The following LRMDA variants were observed in gnomAD, a reference collection of about 807,000 sequenced individuals.
The protein encoded by LRMDA is leucine rich melanocyte differentiation associated.
Under a neutral mutation model 29.8 loss-of-function variants are expected in LRMDA, and 18 were observed. That is an observed-to-expected ratio of 0.60 (90% confidence interval 0.42 to 0.90). The LOEUF (loss-of-function observed/expected upper bound fraction) is 0.90, where lower values mean the gene tolerates loss of function less well. LRMDA is among the 40% of genes least tolerant of loss of function. The pLI is 0.00. For missense variants in LRMDA, 273 were observed against 273.9 expected (o/e 1.00, Z 0.02); for synonymous variants, 125 against 109.4 (o/e 1.14, Z -0.89).
intron 2 of LRMDA, among the ~76,000 whole-genome samples, chr10:75,873,500 A>G (rs931332236): frequency 2.0e-5 from 3 of 152,240 alleles, no homozygotes; most frequent in African/African-American, 7.2e-5. Flanking sequence ...ATGTTTTAAA[A>G]TTCCAACTGG....
At chr10:75,462,406 A>G (rs1325658046) in intron 2 of LRMDA, among the ~76,000 whole-genome samples, 1 of 152,236 alleles carries the variant, frequency 6.6e-6, no homozygotes, top group Admixed American at 6.5e-5. Flanking sequence ...TATTATTGGC[A>G]TAAGCCAGTG....
intron 2 of LRMDA, among the ~76,000 whole-genome samples, chr10:75,930,657 T>A (rs1438504490): frequency 6.6e-6 from 1 of 152,214 alleles, no homozygotes; most frequent in Non-Finnish European, 1.5e-5. Flanking sequence ...AAGCCATTTG[T>A]CAAAGTTGCT....
chr10:75,652,873 A>T (rs1233287935), intron 2 of LRMDA, among the ~76,000 whole-genome samples: 1 of 152,232 alleles, frequency 6.6e-6, no homozygotes, highest in Non-Finnish European at 1.5e-5. Flanking sequence ...GCACTTGGAA[A>T]AAAAATTTGG....
chr10:76,306,008 A>C (rs1160055800), intron 5 of LRMDA, among the ~76,000 whole-genome samples: 1 of 152,236 alleles, frequency 6.6e-6, no homozygotes, highest in Non-Finnish European at 1.5e-5. Flanking sequence ...TTTTATAATA[A>C]ACACATTAGT....
intron 2 of LRMDA, among the ~76,000 whole-genome samples, chr10:75,610,409 CTCA>C (rs143131601): frequency 0.011 from 1,646 of 151,802 alleles, 16 homozygotes; most frequent in Non-Finnish European, 0.02. Flanking sequence ...ACCATTCCTC[CTCA>C]TACTTCCCTA....
intron 5 of LRMDA, among the ~76,000 whole-genome samples, chr10:76,264,590 G>A (rs1296248263): frequency 6.6e-6 from 1 of 152,064 alleles, no homozygotes; most frequent in Non-Finnish European, 1.5e-5. Context: ...CAGCACTACA[G>A]ATTTTGCTCT....
chr10:75,882,358 C>T (rs1291961686), intron 2 of LRMDA, among the ~76,000 whole-genome samples: 1 of 152,050 alleles, frequency 6.6e-6, no homozygotes, highest in Non-Finnish European at 1.5e-5. Context: ...TTCTGGGGAC[C>T]TATATTGGAA....
intron 5 of LRMDA, among the ~76,000 whole-genome samples, chr10:76,097,070 G>T (rs867110459): frequency 6.6e-6 from 1 of 151,792 alleles, no homozygotes; most frequent in African/African-American, 2.4e-5. Context: ...GAGTGCAGTG[G>T]CATGCTCTTG....
chr10:75,664,404 A>T (rs1026173429), intron 2 of LRMDA, among the ~76,000 whole-genome samples: 5 of 152,250 alleles, frequency 3.3e-5, no homozygotes, highest in Non-Finnish European at 7.3e-5. Context: ...TATGCCAGGC[A>T]ATGGGCTTGG....
In LRMDA at chr10:76,052,782, TA is replaced by T. The variant is rs770922998; in HGVS notation, c.398+5481del. On this transcript the variant is annotated intron_variant, in intron 4 of 6. Transcript: ENST00000611255. Reference sequence around the variant, plus strand: ...CCCAGGATCCCTGCTCTCCTCTTGATAACCCCACCTTCTGTATCTCAGCCAA... The same window carrying T: ...CCCAGGATCCCTGCTCTCCTCTTGATACCCCACCTTCTGTATCTCAGCCAA... Among the ~76,000 whole-genome samples the T allele has an allele frequency of 5.3e-5, 8 of 152,254 alleles. No homozygotes were observed. The South Asian group carries it at 1.7e-3, about 32-fold the overall frequency.
chr10:75,668,910 T>C (rs1841858483), intron 2 of LRMDA, among the ~76,000 whole-genome samples: 1 of 152,214 alleles, frequency 6.6e-6, no homozygotes, highest in African/African-American at 2.4e-5. Context: ...CTCCCTGCCC[T>C]CATGAGGTTA....
At chr10:75,720,670 T>C (rs1465471579) in intron 2 of LRMDA, among the ~76,000 whole-genome samples, 2 of 152,252 alleles carry the variant, frequency 1.3e-5, no homozygotes, top group African/African-American at 2.4e-5. Flanking sequence ...TGATTAAATA[T>C]AGCATCTTTT....
At chr10:76,533,696 C>G (rs1228908324) in intron 6 of LRMDA, among the ~76,000 whole-genome samples, 2 of 152,132 alleles carry the variant, frequency 1.3e-5, no homozygotes, top group Admixed American at 6.5e-5. Context: ...TATAATGGTT[C>G]TGCAGCATTG....
chr10:76,338,073 G>GA (rs71788669), intron 6 of LRMDA, among the ~76,000 whole-genome samples: 18,762 of 133,898 alleles, frequency 0.14, 1,808 homozygotes, highest in African/African-American at 0.28. Flanking sequence ...TCTCCTTATA[G>GA]AAAAAAAAAA....
At chr10:75,700,218 A>G (rs1192652572) in intron 2 of LRMDA, among the ~76,000 whole-genome samples, 1 of 151,902 alleles carries the variant, frequency 6.6e-6, no homozygotes, top group African/African-American at 2.4e-5. Context: ...TATTAAAGTC[A>G]AGTTTTAAAC....
intron 2 of LRMDA, among the ~76,000 whole-genome samples, chr10:75,482,597 A>G (rs1844865990): frequency 6.6e-6 from 1 of 152,150 alleles, no homozygotes; most frequent in African/African-American, 2.4e-5. Flanking sequence ...CTTCCTGCAC[A>G]GGGTCTGACC....
chr10:75,553,877 A>G (rs1224934524), intron 2 of LRMDA, among the ~76,000 whole-genome samples: 2 of 152,142 alleles, frequency 1.3e-5, no homozygotes, highest in Admixed American at 6.6e-5. Context: ...CCATGGGGAA[A>G]AAAATGAGGA....
intron 2 of LRMDA, among the ~76,000 whole-genome samples, chr10:75,495,772 CAGAT>C (rs1845038245): frequency 6.6e-6 from 1 of 152,324 alleles, no homozygotes; most frequent in African/African-American, 2.4e-5. Flanking sequence ...AAAGAATTCT[CAGAT>C]AGAAGATGAA....
At chr10:75,514,548 G>A (rs1051518552) in intron 2 of LRMDA, among the ~76,000 whole-genome samples, 1 of 152,084 alleles carries the variant, frequency 6.6e-6, no homozygotes, top group Admixed American at 6.5e-5. Context: ...CCTAATGGGA[G>A]GTGTTTGGGT....
Sources: gnomAD v4.1 joint callset for allele counts (sites outside exome capture counted in the v4.1 genomes callset) on GRCh38, gnomAD v4.1.1 for gene constraint, MANE v1.5 for transcripts, NCBI Gene and HGNC (gene_info 2026-07-23, HGNC 2026-07-21) for gene names.